The following RIMS2 variants were observed in gnomAD, a reference collection of about 807,000 sequenced individuals.
RIMS2 encodes regulating synaptic membrane exocytosis 2, also known as regulating synaptic membrane exocytosis protein 2.
A neutral mutation model predicts 174.4 loss-of-function variants in RIMS2; 59 were observed. The ratio of observed to expected loss-of-function variants is 0.34; its 90% CI spans 0.27 to 0.42. The LOEUF (loss-of-function observed/expected upper bound fraction) is 0.42, where lower values mean the gene tolerates loss of function less well. RIMS2 is among the 10% of genes least tolerant of loss of function. The probability of loss-of-function intolerance (pLI) is 1.00; values close to 1 mark genes in which losing one functional copy is unlikely to be tolerated. For synonymous variants in RIMS2, 606 were observed against 572.5 expected, an observed-to-expected ratio of 1.06 and a Z score of -0.84; for missense variants, 1,620 against 1,666.3, an observed-to-expected ratio of 0.97 and a Z score of 0.48.
chr8:103,696,041 C>T (rs1014878007), intron 1 of RIMS2, among the ~76,000 whole-genome samples: 1 of 152,032 alleles, frequency 6.6e-6, no homozygotes, highest in Non-Finnish European at 1.5e-5. Flanking sequence ...GTCATAATCC[C>T]TTCAAATATT....
At chr8:104,164,231 CT>C (rs996394622) in intron 19 of RIMS2, among the ~76,000 whole-genome samples, 1 of 152,102 alleles carries the variant, frequency 6.6e-6, no homozygotes, top group African/African-American at 2.4e-5. Flanking sequence ...AGTTTTCTGA[CT>C]TGCCATCAGT....
chr8:103,765,685 C>A (rs1331968260), intron 2 of RIMS2, among the ~76,000 whole-genome samples: 1 of 150,360 alleles, frequency 6.7e-6, no homozygotes, highest in East Asian at 2.0e-4. Flanking sequence ...AGAATGTTAA[C>A]CTAATACTAA....
intron 19 of RIMS2, among the ~76,000 whole-genome samples, chr8:104,163,266 A>G (rs2098775082): frequency 6.6e-6 from 1 of 152,210 alleles, no homozygotes; most frequent in Non-Finnish European, 1.5e-5. Flanking sequence ...TCTATTATTC[A>G]CTGCCATATA....
intron 19 of RIMS2, among the ~76,000 whole-genome samples, chr8:104,242,168 T>G (rs1588125718): frequency 6.6e-6 from 1 of 152,126 alleles, no homozygotes; most frequent in Non-Finnish European, 1.5e-5. Context: ...CTCCTTAACA[T>G]TCTCCCTCAT....
chr8:103,768,742 C>T (rs528006065), intron 3 of RIMS2: 30 of 762,140 alleles, frequency 3.9e-5, no homozygotes, highest in Middle Eastern at 3.4e-4. Flanking sequence ...TGATGTCCAC[C>T]AGTATGTTGT....
intron 10 of RIMS2, among the ~76,000 whole-genome samples, chr8:103,922,240 A>G (rs943139336): frequency 7.2e-5 from 11 of 151,954 alleles, no homozygotes; most frequent in Non-Finnish European, 1.3e-4. Context: ...GAATATTGCT[A>G]TGAAATAAAA....
At chr8:103,576,741 A>G (rs2093271663) in intron 1 of RIMS2, among the ~76,000 whole-genome samples, 1 of 152,208 alleles carries the variant, frequency 6.6e-6, no homozygotes, top group African/African-American at 2.4e-5. Context: ...AGACCAATGG[A>G]ACAGAACAGA....
intron 1 of RIMS2, among the ~76,000 whole-genome samples, chr8:103,637,664 A>T (rs2096120565): frequency 6.6e-6 from 1 of 152,184 alleles, no homozygotes; most frequent in Non-Finnish European, 1.5e-5. Context: ...TTGTTCACCT[A>T]GGTTTCTGCA....
At chr8:104,097,718 G>A (rs1346060009) in intron 19 of RIMS2, among the ~76,000 whole-genome samples, 1 of 152,070 alleles carries the variant, frequency 6.6e-6, no homozygotes, top group Admixed American at 6.6e-5. Flanking sequence ...GGATTTTGGA[G>A]CAGTTAGGAT....
chr8:103,968,486 G>T (rs2092424281), intron 15 of RIMS2, among the ~76,000 whole-genome samples: 1 of 149,076 alleles, frequency 6.7e-6, no homozygotes, highest in Non-Finnish European at 1.5e-5. Context: ...TTCCTTCCTT[G>T]GCATATCAGT....
intron 19 of RIMS2, among the ~76,000 whole-genome samples, chr8:104,034,457 A>T (rs1014602924): frequency 1.3e-4 from 19 of 146,982 alleles, no homozygotes; most frequent in South Asian, 2.1e-4. Context: ...ATTTACTTGC[A>T]GTATCTTTTT....
chr8:103,628,214 C>T (rs1481524873), intron 1 of RIMS2, among the ~76,000 whole-genome samples: 2 of 152,118 alleles, frequency 1.3e-5, no homozygotes, highest in African/African-American at 4.8e-5. Context: ...ACTTTATTTT[C>T]TCTACTAATT....
chr8:104,112,755 C>T (rs1217399306), intron 19 of RIMS2, among the ~76,000 whole-genome samples: 1 of 152,164 alleles, frequency 6.6e-6, no homozygotes, highest in African/African-American at 2.4e-5. Flanking sequence ...CTGTTGTGAG[C>T]ACTGCTGTAT....
In RIMS2 at chr8:103,989,336, C is replaced by T. The variant is rs760877374; in HGVS notation, c.2959C>T (p.Arg987Cys). The change falls in exon 17 of 24, where the codon CGC (arginine) becomes TGC (cysteine). Residue 987 changes from arginine to cysteine, a missense_variant. Physicochemically the swap from Arg to Cys is radical, Grantham distance 180. This residue lies in a region of RIMS2 where 1,395 missense variants were observed against 1,360.1 expected (regional missense o/e 1.03). Coordinates refer to ENST00000504942, the Ensembl canonical transcript of RIMS2. Reference sequence around the variant, plus strand: ...TGTGGAACAGGGGCTTCGAGGGACCCGCACTATGACCGGACATTATAATAC... The same window carrying T: ...TGTGGAACAGGGGCTTCGAGGGACCTGCACTATGACCGGACATTATAATAC... 1.6e-5 allele frequency: 25 copies of T among 1,612,788 alleles called. No homozygotes were observed. Among genetic ancestry groups the T allele is most frequent in the East Asian group, 2.2e-5 (1 of 44,862 alleles).
intron 1 of RIMS2, among the ~76,000 whole-genome samples, chr8:103,638,000 CCT>C (rs980728064): frequency 2.3e-4 from 35 of 152,040 alleles, no homozygotes; most frequent in African/African-American, 8.2e-4. Context: ...TGATTTTTCC[CCT>C]GATTCAACTG....
intron 23 of RIMS2, 92 bp from the exon 30 acceptor site, chr8:104,251,510 A>T: frequency 1.3e-6 from 1 of 743,862 alleles, no homozygotes; most frequent in Non-Finnish European, 2.4e-6. Flanking sequence ...CAGAAAATTA[A>T]CTGAATGTAC....
chr8:104,148,938 G>T lies in RIMS2; in HGVS notation c.3335-95978G>T. 3 of 1,292,284 alleles carry T rather than the reference G, an allele frequency of 2.3e-6. No individual in the cohort carries two copies. In the South Asian group the frequency reaches 4.1e-5, roughly 18 times the overall value. 80.1% of individuals were successfully genotyped at this position (1,292,284 alleles called of 1,614,324 possible). A position where few individuals can be genotyped will look rare whatever the true frequency, so the allele number is the denominator to read the frequency against. ...CTCTTACTCATTTTATTGCAGTAATGTGTGGATGATGACATGTTCCAGAGG... is the reference window on the plus strand; with the variant it reads ...CTCTTACTCATTTTATTGCAGTAATTTGTGGATGATGACATGTTCCAGAGG... On this transcript the variant is annotated intron_variant, in intron 19 of 23. Transcript: ENST00000504942.
chr8:104,249,449 T>A, intron 21 of RIMS2, 38 bp from the exon 28 acceptor site: 1 of 1,097,622 alleles, frequency 9.1e-7, no homozygotes. Flanking sequence ...AGTGCATTTG[T>A]ATATTAAAGC....
intron 2 of RIMS2, among the ~76,000 whole-genome samples, chr8:103,732,506 T>C (rs2097615121): frequency 6.6e-6 from 1 of 152,192 alleles, no homozygotes; most frequent in Non-Finnish European, 1.5e-5. Context: ...GATTAAAGCC[T>C]GCCAGGCTTG....
Sources: allele counts gnomAD v4.1 joint callset (sites outside exome capture counted in the v4.1 genomes callset), GRCh38; gene constraint gnomAD v4.1.1; regional missense constraint gnomAD v4.1.1; transcripts MANE v1.5; gene names NCBI Gene and HGNC (gene_info 2026-07-23, HGNC 2026-07-21).